Variants in ASAP1 observed in about 807,000 individuals in gnomAD.
ASAP1 encodes ArfGAP with SH3 domain, ankyrin repeat and PH domain 1, also known as arf-GAP with SH3 domain, ANK repeat and PH domain-containing protein 1.
A neutral mutation model predicts 145.2 loss-of-function variants in ASAP1; 43 were observed. The observed-to-expected ratio is 0.30, with a 90% confidence interval of 0.23 to 0.38. The LOEUF is 0.38. Ranked by LOEUF, ASAP1 falls within the 10% of genes least tolerant of loss-of-function variation. ASAP1 has a pLI of 1.00. For missense variants in ASAP1, 1,018 were observed against 1,355.3 expected, an observed-to-expected ratio of 0.75 and a Z score of 3.91; for synonymous variants, 546 against 515.5, an observed-to-expected ratio of 1.06 and a Z score of -0.80.
intron 3 of ASAP1, among the ~76,000 whole-genome samples, chr8:130,263,919 CAAT>C (rs1352694323): frequency 6.6e-6 from 1 of 152,164 alleles, no homozygotes; most frequent in African/African-American, 2.4e-5. Context: ...GTAACGTAGA[CAAT>C]AATGACAGGC....
chr8:130,309,502 G>A (rs111498219), intron 3 of ASAP1, among the ~76,000 whole-genome samples: 2,488 of 152,198 alleles, frequency 0.016, 69 homozygotes, highest in African/African-American at 0.055. Context: ...GATGAGGCAC[G>A]GTATGCAACT....
chr8:130,439,592 G>A (rs1319228505), intron 1 of ASAP1, among the ~76,000 whole-genome samples: 5 of 152,070 alleles, frequency 3.3e-5, no homozygotes, highest in Non-Finnish European at 7.4e-5. Context: ...AAAAAAAAGG[G>A]TAACTTCAGT....
At chr8:130,382,010 A>G (rs977553496) in intron 2 of ASAP1, among the ~76,000 whole-genome samples, 4 of 152,104 alleles carry the variant, frequency 2.6e-5, no homozygotes, top group African/African-American at 9.7e-5. Context: ...GTTCAGGCCG[A>G]GCATGGTGGC....
At chr8:130,262,680 A>G (rs1036606470) in intron 3 of ASAP1, among the ~76,000 whole-genome samples, 1 of 152,162 alleles carries the variant, frequency 6.6e-6, no homozygotes, top group African/African-American at 2.4e-5. Flanking sequence ...AATTTTGAAA[A>G]TATTTATAAA....
intron 26 of ASAP1, among the ~76,000 whole-genome samples, chr8:130,077,202 T>A (rs913322095): frequency 2.0e-5 from 3 of 152,192 alleles, no homozygotes; most frequent in African/African-American, 4.8e-5. Flanking sequence ...GCCTCCAGGC[T>A]CTCCTAGGCC....
chr8:130,274,842 T>C (rs1223937958), intron 3 of ASAP1, among the ~76,000 whole-genome samples: 1 of 152,212 alleles, frequency 6.6e-6, no homozygotes, highest in African/African-American at 2.4e-5. Context: ...GGATTGGCTC[T>C]TAGCTACACC....
At chr8:130,055,561 G>A (rs1224325320) in intron 29 of ASAP1, among the ~76,000 whole-genome samples, 2 of 150,648 alleles carry the variant, frequency 1.3e-5, no homozygotes, top group East Asian at 1.9e-4. Flanking sequence ...AGGCTGCTAT[G>A]TACTATCACT....
intron 3 of ASAP1, among the ~76,000 whole-genome samples, chr8:130,339,524 T>TA (rs1207201920): frequency 1.3e-5 from 2 of 152,106 alleles, no homozygotes; most frequent in Non-Finnish European, 2.9e-5. Context: ...CAACATGGGG[T>TA]AAGTCTCCTC....
intron 9 of ASAP1, among the ~76,000 whole-genome samples, chr8:130,169,603 C>A (rs577494714): frequency 6.6e-6 from 1 of 152,198 alleles, no homozygotes; most frequent in Non-Finnish European, 1.5e-5. Flanking sequence ...ATAATACCAA[C>A]GGGTTTGGAA....
intron 18 of ASAP1, among the ~76,000 whole-genome samples, chr8:130,120,895 T>C (rs2097564774): frequency 6.6e-6 from 1 of 152,208 alleles, no homozygotes; most frequent in Non-Finnish European, 1.5e-5. Context: ...AATAGATTTG[T>C]CTGGAAATCT....
intron 5 of ASAP1, among the ~76,000 whole-genome samples, chr8:130,194,496 A>T (rs1234385082): frequency 6.6e-6 from 1 of 152,130 alleles, no homozygotes; most frequent in Non-Finnish European, 1.5e-5. Context: ...CAGTCATGGG[A>T]TTCTACAAAT....
intron 4 of ASAP1, among the ~76,000 whole-genome samples, chr8:130,215,924 C>CA (rs1454781196): frequency 9.0e-6 from 1 of 111,608 alleles, no homozygotes; most frequent in Non-Finnish European, 1.8e-5. Flanking sequence ...ACCCTATCTC[C>CA]AAAAAAAAAG....
At chr8:130,056,731 C>T (rs1392976377) in intron 29 of ASAP1, among the ~76,000 whole-genome samples, 2 of 152,226 alleles carry the variant, frequency 1.3e-5, no homozygotes, top group Non-Finnish European at 2.9e-5. Context: ...GTACTGCTGG[C>T]TCAACTGCGA....
chr8:130,134,100 C>A (rs2097588695), intron 15 of ASAP1, among the ~76,000 whole-genome samples, 196 bp downstream of exon 15: 1 of 152,106 alleles, frequency 6.6e-6, no homozygotes, highest in Middle Eastern at 3.2e-3. Flanking sequence ...CAGGAGGTAC[C>A]AGAGCTTATT....
At chr8:130,341,720 A>G (rs981306487) in intron 3 of ASAP1, among the ~76,000 whole-genome samples, 13 of 152,192 alleles carry the variant, frequency 8.5e-5, no homozygotes, top group African/African-American at 3.1e-4. Context: ...CCAGTGAAGG[A>G]CACGTACCAA....
intron 19 of ASAP1, 79 bp downstream of exon 19, chr8:130,118,409 TG>T: frequency 7.0e-7 from 1 of 1,421,812 alleles, no homozygotes; most frequent in Non-Finnish European, 9.6e-7. Context: ...TCTCATTATA[TG>T]GTATAATGTT....
intron 3 of ASAP1, among the ~76,000 whole-genome samples, chr8:130,241,147 T>C (rs898976436): frequency 3.3e-5 from 5 of 152,122 alleles, no homozygotes; most frequent in Non-Finnish European, 5.9e-5. Flanking sequence ...TTGATTGCTC[T>C]GCCTAGAACT....
At chr8:130,307,353 G>A (rs1341915041) in intron 3 of ASAP1, among the ~76,000 whole-genome samples, 3 of 144,574 alleles carry the variant, frequency 2.1e-5, no homozygotes, top group Admixed American at 1.4e-4. Context: ...CTGATCCTGT[G>A]GCAAAAAATA....
chr8:130,228,965 T>C lies in ASAP1; in HGVS notation c.259+7957A>G, dbSNP rs569838733. The stretch of plus-strand genomic sequence containing the variant: ...CCAGCACCCATACAGCTCTCCACAA[T>C]GAAACAAGTACATGTCTGATCAATT... On this transcript the variant is annotated intron_variant, in intron 4 of 29. Coordinates refer to ENST00000518721, the MANE Select transcript of ASAP1 (RefSeq NM_018482.4). Among the ~76,000 whole-genome samples the C allele has an allele frequency of 5.9e-5, 9 of 152,122 alleles. No individual in the cohort carries two copies. In the East Asian group the frequency reaches 1.7e-3, roughly 29 times the overall value.
Sources: gnomAD v4.1 joint callset for allele counts (sites outside exome capture counted in the v4.1 genomes callset) on GRCh38, gnomAD v4.1.1 for gene constraint, MANE v1.5 for transcripts, NCBI Gene and HGNC (gene_info 2026-07-23, HGNC 2026-07-21) for gene names.